The following PSMF1 variants were observed in gnomAD, a reference collection of about 807,000 sequenced individuals.
The protein encoded by PSMF1 is proteasome inhibitor PI31 subunit.
Under a neutral mutation model 29.3 loss-of-function variants are expected in PSMF1, and 30 were observed. That is an observed-to-expected ratio of 1.02 (90% CI 0.77 to 1.39). The LOEUF is 1.39. Ranked by LOEUF, PSMF1 falls within the 40% of genes most tolerant of loss-of-function variation. The probability of loss-of-function intolerance (pLI) is 0.00; values close to 1 mark genes in which losing one functional copy is unlikely to be tolerated. For synonymous variants in PSMF1, 134 were observed against 139.7 expected, an observed-to-expected ratio of 0.96 and a Z score of 0.29; for missense variants, 344 against 357.5, an observed-to-expected ratio of 0.96 and a Z score of 0.31.
chr20:1,155,433 G>C (rs1044545935), intron 4 of PSMF1, among the ~76,000 whole-genome samples: 2 of 152,036 alleles, frequency 1.3e-5, no homozygotes, highest in African/African-American at 4.8e-5. Context: ...TCTTCCCTTT[G>C]TCCTCCCTCC....
chr20:1,166,590 C>T lies in PSMF1; in HGVS notation c.*1510C>T, dbSNP rs756198225. On this transcript the variant is annotated 3_prime_UTR_variant, in exon 7 of 7. Transcript: ENST00000335877. ...AGCTGGGCCTGGGTGGGGAGGCTAG[C>T]ATGCGTGGCTCCCTGGGTATTTCTG... The T allele has an allele frequency of 1.3e-5, 4 of 311,694 alleles. No individual in the cohort carries two copies. The highest frequency in any genetic ancestry group is 1.8e-5 in the Non-Finnish European group (3 of 162,542). 19.3% of individuals were successfully genotyped at this position (311,694 alleles called of 1,614,324 possible). A position where few individuals can be genotyped will look rare whatever the true frequency, so the allele number is the denominator to read the frequency against.
Position 1,168,151 on chromosome 20 carries a change from G to A in PSMF1, c.*3071G>A, listed in dbSNP as rs1295586172. Reference sequence around the variant, plus strand: ...CCCTTGGGGAGCAATCTGTGGTTTTGATAATCACCACCTTGGGATGAACAT... The same window carrying A: ...CCCTTGGGGAGCAATCTGTGGTTTTAATAATCACCACCTTGGGATGAACAT... On this transcript the variant is annotated 3_prime_UTR_variant, in exon 7 of 7. Coordinates refer to ENST00000335877, the MANE Select transcript of PSMF1 (RefSeq NM_006814.5). 6.6e-6 allele frequency: 1 copy of A among 152,246 alleles called. No homozygotes were observed. The highest frequency in any genetic ancestry group is 1.5e-5 in the Non-Finnish European group (1 of 68,056). 9.4% of individuals were successfully genotyped at this position (152,246 alleles called of 1,614,324 possible). A position where few individuals can be genotyped will look rare whatever the true frequency, so the allele number is the denominator to read the frequency against.
chr20:1,123,970 C>T lies in PSMF1; in HGVS notation c.130-1528C>T, dbSNP rs75779170. Reference sequence around the variant, plus strand: ...ATAACTCTTTAGACACTATTAGCCGCTCTTTTTCTTGTTCATATCTTTTGC... The same window carrying T: ...ATAACTCTTTAGACACTATTAGCCGTTCTTTTTCTTGTTCATATCTTTTGC... On this transcript the variant is annotated intron_variant, in intron 1 of 6. Coordinates refer to ENST00000335877, the MANE Select transcript of PSMF1 (RefSeq NM_006814.5). 8.3e-4 allele frequency among the ~76,000 whole-genome samples: 127 copies of T among 152,388 alleles called. 2 individuals carry two copies. In the East Asian group the frequency reaches 0.022, roughly 27 times the overall value.
At chr20:1,128,823 C>G (rs1366587017) in intron 3 of PSMF1, among the ~76,000 whole-genome samples, 2 of 152,076 alleles carry the variant, frequency 1.3e-5, no homozygotes, top group East Asian at 3.8e-4. Flanking sequence ...CCTCAGCTTC[C>G]CGAGTAACTG....
chr20:1,113,958 T>A (rs62186904), upstream of PSMF1, among the ~76,000 whole-genome samples: 541 of 152,310 alleles, frequency 3.6e-3, no homozygotes, highest in Non-Finnish European at 6.4e-3. Flanking sequence ...CCCAAAGTGC[T>A]GGGATTACAG....
chr20:1,113,591 T>C (rs1008217152), intron 1 of PSMF1, among the ~76,000 whole-genome samples: 15 of 152,056 alleles, frequency 9.9e-5, no homozygotes, highest in Non-Finnish European at 1.3e-4. Flanking sequence ...ATTCACAGCC[T>C]AGTGCAAGAG....
At chr20:1,122,295 CTTTTTTTTTTT>C (rs144183769) in intron 1 of PSMF1, among the ~76,000 whole-genome samples, 1 of 131,638 alleles carries the variant, frequency 7.6e-6, no homozygotes, top group African/African-American at 2.9e-5. Flanking sequence ...TTTTTCTTTT[CTTTTTTTTTTT>C]TTTTTTTTTA....
At chr20:1,115,843 C>T (rs901366527), upstream of PSMF1, among the ~76,000 whole-genome samples, 1 of 151,772 alleles carries the variant, frequency 6.6e-6, no homozygotes, top group African/African-American at 2.4e-5. Flanking sequence ...AGCGATTCTC[C>T]TGCCTCAGCC....
chr20:1,160,907 C>T, intron 4 of PSMF1: 2 of 445,416 alleles, frequency 4.5e-6, no homozygotes, highest in Admixed American at 2.8e-5. Flanking sequence ...ACTGAGGGCC[C>T]CCTGAACCCC....
chr20:1,129,194 A>G (rs1451716086), intron 3 of PSMF1, among the ~76,000 whole-genome samples: 1 of 151,942 alleles, frequency 6.6e-6, no homozygotes, highest in Non-Finnish European at 1.5e-5. Flanking sequence ...TTGCGTTTTT[A>G]ATAGAGACAG....
intron 1 of PSMF1, among the ~76,000 whole-genome samples, chr20:1,125,239 A>G (rs534291484): frequency 6.6e-6 from 1 of 152,286 alleles, no homozygotes; most frequent in African/African-American, 2.4e-5. Context: ...TATTAAACCA[A>G]CACTGCAGAT....
In PSMF1 at chr20:1,127,284, T is replaced by C. The variant is rs373666811; in HGVS notation, c.283-142T>C. 8 of 790,354 alleles carry C rather than the reference T, an allele frequency of 1.0e-5. No homozygotes were observed. The African/African-American group carries it at 1.3e-4, about 13-fold the overall frequency. 49.0% of individuals were successfully genotyped at this position (790,354 alleles called of 1,614,324 possible). ...AAGTCTCCAAGCCTTAGGAAGGTATTTCATATAAACAGTCCTTATATATGT... is the reference window on the plus strand; with the variant it reads ...AAGTCTCCAAGCCTTAGGAAGGTATCTCATATAAACAGTCCTTATATATGT... On this transcript the variant is annotated intron_variant, in intron 2 of 6. Transcript: ENST00000335877.
chr20:1,130,191 A>G (rs2122487756), intron 3 of PSMF1, among the ~76,000 whole-genome samples: 1 of 152,322 alleles, frequency 6.6e-6, no homozygotes, highest in Non-Finnish European at 1.5e-5. Flanking sequence ...AAGGGGAGTT[A>G]GTGATTAATG....
chr20:1,123,653 G>A (rs1435255185), intron 1 of PSMF1, among the ~76,000 whole-genome samples: 1 of 152,160 alleles, frequency 6.6e-6, no homozygotes, highest in Non-Finnish European at 1.5e-5. Flanking sequence ...CCTTAGCCAA[G>A]GCTATAATGA....
At position 1,136,272 on chromosome 20, in the gene PSMF1, G is replaced by A. The variant is rs370201499; in HGVS notation, c.551+966G>A. Among the ~76,000 whole-genome samples, 101 of 151,236 alleles carry A rather than the reference G, an allele frequency of 6.7e-4. 1 individual carries two copies. Among genetic ancestry groups the A allele is most frequent in the African/African-American group, 2.4e-3 (98 of 41,468 alleles). The stretch of plus-strand genomic sequence containing the variant: ...GAGATAAGATGACCTGCCTGAGTTC[G>A]CCAGCCACTAATAAAGAGGCAGAGC... On this transcript the variant is annotated intron_variant, in intron 4 of 6. Coordinates refer to ENST00000335877, the MANE Select transcript of PSMF1 (RefSeq NM_006814.5).
upstream of PSMF1, chr20:1,118,570 A>G: frequency 1.8e-6 from 1 of 541,712 alleles, no homozygotes; most frequent in South Asian, 3.3e-5. Context: ...GGCGCGCCTC[A>G]CGCAGTTGCG....
rs761090872 is a variant in PSMF1 at position 1,172,081 on chromosome 20, C to T, written c.*7001C>T. ...ATGACTAAGTGGGCCATGGGCTGGA[C>T]TGAGTTCAGTGCTCCCCCAACCTGC... On this transcript the variant is annotated 3_prime_UTR_variant, in exon 7 of 7. Transcript: ENST00000335877. Among the ~76,000 whole-genome samples, 1 of 152,214 alleles carries T rather than the reference C, an allele frequency of 6.6e-6. No homozygotes were observed. The highest frequency in any genetic ancestry group is 2.4e-5 in the African/African-American group (1 of 41,444).
At chr20:1,134,891 G>A (rs760351099) in intron 3 of PSMF1, 46 of 619,546 alleles carry the variant, frequency 7.4e-5, no homozygotes, top group Middle Eastern at 5.1e-4. Flanking sequence ...TAAACAAGGA[G>A]GGGCAACTCA....
chr20:1,135,248 G>A lies in PSMF1; in HGVS notation c.493G>A (p.Glu165Lys), dbSNP rs992515633. Residue 165 changes from glutamate (E) to lysine (K), a missense_variant, in exon 4 of 7, where the codon GAG (glutamate) becomes AAG (lysine). By Grantham distance (56) the Glu-to-Lys change is moderately conservative. Transcript: ENST00000335877. The stretch of plus-strand genomic sequence containing the variant: ...GGAGTTCCCCCCTGCTACCGCCAGA[G>A]AGGTGGACCCACTCCGGATTCCTCC... ...HREFPPATAR[E>K]VDPLRIPPHH... 1 of 1,614,076 alleles carries A rather than the reference G, an allele frequency of 6.2e-7. No homozygotes were observed. Among genetic ancestry groups the A allele is most frequent in the South Asian group, 1.1e-5 (1 of 91,064 alleles).
Sources: allele counts gnomAD v4.1 joint callset (sites outside exome capture counted in the v4.1 genomes callset), GRCh38; gene constraint gnomAD v4.1.1; transcripts MANE v1.5; gene names NCBI Gene and HGNC (gene_info 2026-07-23, HGNC 2026-07-21).